Variants in JAK1 observed in about 807,000 individuals in gnomAD.
The protein encoded by JAK1 is Janus kinase 1, also known as tyrosine-protein kinase JAK1.
Under a neutral mutation model 136.6 loss-of-function variants are expected in JAK1, and 16 were observed. That is an observed-to-expected ratio of 0.12 (90% CI 0.08 to 0.18). JAK1 has a LOEUF of 0.18. Among genes scored for constraint, JAK1 ranks in the 10% least tolerant of loss-of-function variants. The pLI is 1.00. For synonymous variants in JAK1, 492 were observed against 519.5 expected (o/e 0.95, Z 0.72); for missense variants, 859 against 1,450.1 (o/e 0.59, Z 6.62).
At chr1:64,843,583 T>TA (rs779079102) in intron 17 of JAK1, among the ~76,000 whole-genome samples, 5 of 152,174 alleles carry the variant, frequency 3.3e-5, no homozygotes, top group Non-Finnish European at 7.3e-5. Context: ...CTGGAATTCT[T>TA]ACCGTTGTTA....
intron 2 of JAK1, chr1:64,992,305 G>A (rs112066017): frequency 0.097 from 14,754 of 152,004 alleles, 889 homozygotes; most frequent in East Asian, 0.27. Flanking sequence ...ACTTGAACCC[G>A]GGAGGTGGAG....
chr1:64,935,998 C>T (rs1405349713), intron 1 of JAK1, among the ~76,000 whole-genome samples: 3 of 152,178 alleles, frequency 2.0e-5, no homozygotes, highest in Non-Finnish European at 4.4e-5. Flanking sequence ...ACACCCTTGC[C>T]CCTCCCCATT....
intron 1 of JAK1, among the ~76,000 whole-genome samples, chr1:64,912,092 A>C (rs2100286123): frequency 6.6e-6 from 1 of 152,336 alleles, no homozygotes; most frequent in African/African-American, 2.4e-5. Context: ...TAATTCTCAA[A>C]CCCAGCTGTG....
At chr1:65,030,599 C>T (rs1647014288) in intron 2 of JAK1, among the ~76,000 whole-genome samples, 1 of 151,616 alleles carries the variant, frequency 6.6e-6, no homozygotes, top group Non-Finnish European at 1.5e-5. Flanking sequence ...GTGGTGCGAT[C>T]TCTGCTCACT....
At chr1:64,985,339 T>C in intron 2 of JAK1, 1 of 1,611,188 alleles carries the variant, frequency 6.2e-7, no homozygotes, top group Non-Finnish European at 8.5e-7. Context: ...GTGACTTGCT[T>C]TTCTTGTGCC....
intron 1 of JAK1, among the ~76,000 whole-genome samples, chr1:64,947,723 T>C (rs955698174): frequency 6.6e-6 from 1 of 151,996 alleles, no homozygotes; most frequent in Admixed American, 6.6e-5. Context: ...TCACCACAGA[T>C]TGTTTTGGAA....
At chr1:64,869,163 G>A in intron 6 of JAK1, 148 bp downstream of exon 6, 1 of 675,136 alleles carries the variant, frequency 1.5e-6, no homozygotes, top group East Asian at 2.6e-5. Context: ...TAGGCTACGT[G>A]TATGTAGTAA....
At chr1:65,036,462 A>G (rs562975392) in intron 2 of JAK1, among the ~76,000 whole-genome samples, 1 of 152,282 alleles carries the variant, frequency 6.6e-6, no homozygotes, top group South Asian at 2.1e-4. Flanking sequence ...GGAGCAGGGA[A>G]CAAGGTATGG....
At chr1:65,054,653 C>G (rs1007147360) in intron 1 of JAK1, among the ~76,000 whole-genome samples, 1 of 152,112 alleles carries the variant, frequency 6.6e-6, no homozygotes, top group African/African-American at 2.4e-5. Context: ...GCAACTGGAA[C>G]AGGAAGAGGA....
At chr1:64,967,847 C>G (rs1646411206), upstream of JAK1, among the ~76,000 whole-genome samples, 1 of 152,108 alleles carries the variant, frequency 6.6e-6, no homozygotes, top group Non-Finnish European at 1.5e-5. Context: ...TCAGAGCAGA[C>G]AGGGAGGCAA....
intron 1 of JAK1, among the ~76,000 whole-genome samples, chr1:64,893,556 T>G (rs1278972551): frequency 1.3e-5 from 2 of 152,320 alleles, no homozygotes; most frequent in Non-Finnish European, 2.9e-5. Flanking sequence ...TTCCTCAGAA[T>G]AATAGAAGTA....
chr1:64,973,099 A>G (rs1051528868), intron 2 of JAK1: 3 of 151,898 alleles, frequency 2.0e-5, no homozygotes, highest in Admixed American at 6.6e-5. Flanking sequence ...CAGCCTGGGC[A>G]GCAGAACAAG....
upstream of JAK1, among the ~76,000 whole-genome samples, chr1:64,970,334 G>A (rs1290399102): frequency 1.3e-5 from 2 of 151,668 alleles, no homozygotes; most frequent in Admixed American, 6.6e-5. Context: ...CCAGCTTCTC[G>A]GGAGGCTGAG....
At chr1:65,030,519 C>T (rs914388756) in intron 2 of JAK1, among the ~76,000 whole-genome samples, 2 of 148,748 alleles carry the variant, frequency 1.3e-5, no homozygotes, top group Admixed American at 1.4e-4. Context: ...TAACATAGTC[C>T]CCAAAACCTC....
intron 11 of JAK1, among the ~76,000 whole-genome samples, chr1:64,854,380 T>C (rs1655790589): frequency 1.3e-5 from 2 of 152,128 alleles, no homozygotes; most frequent in African/African-American, 4.8e-5. Flanking sequence ...CCTTCCTCCT[T>C]CTAAGGGAAG....
chr1:65,052,301 A>G (rs890742332), intron 1 of JAK1, among the ~76,000 whole-genome samples: 9 of 152,044 alleles, frequency 5.9e-5, no homozygotes, highest in Non-Finnish European at 7.4e-5. Context: ...CATGTCTTAA[A>G]TATGAAAGAA....
chr1:64,882,409 T>C (rs546024667), intron 3 of JAK1, among the ~76,000 whole-genome samples: 1 of 152,306 alleles, frequency 6.6e-6, no homozygotes, highest in African/African-American at 2.4e-5. Flanking sequence ...AACGAGTTGA[T>C]AGAACCTTTT....
chr1:64,846,635 G>T lies in JAK1; in HGVS notation c.1987+14C>A, dbSNP rs1557628668. 6.2e-7 allele frequency: 1 copy of T among 1,608,698 alleles called. No individual in the cohort carries two copies. Among genetic ancestry groups the T allele is most frequent in the Non-Finnish European group, 8.5e-7 (1 of 1,175,538 alleles). On this transcript the variant is annotated intron_variant, in intron 14 of 24. Coordinates refer to ENST00000342505, the MANE Select transcript of JAK1 (RefSeq NM_002227.4). ...AGCCAGGCCACCCACCCCTTTGAAA[G>T]AGAACACACTTACTCTCCACGTCGC...
At position 64,833,942 on chromosome 1, in the gene JAK1, T is replaced by TA. The variant is rs761295226; in HGVS notation, c.*619dup. 6 of 232,840 alleles carry TA rather than the reference T, an allele frequency of 2.6e-5. No homozygotes were observed. The highest frequency in any genetic ancestry group is 4.2e-5 in the Non-Finnish European group (5 of 117,744). The allele number at this position is 232,840 out of a possible 1,614,324, so 14.4% of individuals were successfully genotyped here. On this transcript the variant is annotated 3_prime_UTR_variant, in exon 25 of 25. Transcript: ENST00000342505. The stretch of plus-strand genomic sequence containing the variant: ...AACCAGCTTTCTCAAAAATGGGTGC[T>TA]AGTGATCACCCAAAGGAACAGGAGC...
Sources: gnomAD v4.1 joint callset for allele counts (sites outside exome capture counted in the v4.1 genomes callset) on GRCh38, gnomAD v4.1.1 for gene constraint, MANE v1.5 for transcripts, NCBI Gene and HGNC (gene_info 2026-07-23, HGNC 2026-07-21) for gene names.